The following GPD2 variants were observed in gnomAD, a reference collection of about 807,000 sequenced individuals.
GPD2 encodes glycerol-3-phosphate dehydrogenase, mitochondrial.
Under a neutral mutation model 82.4 loss-of-function variants are expected in GPD2, and 54 were observed. The observed-to-expected ratio is 0.66, with a 90% CI of 0.53 to 0.82. The LOEUF is 0.82. Ranked by LOEUF, GPD2 falls within the 40% of genes least tolerant of loss-of-function variation. GPD2 has a pLI of 0.00. For synonymous variants in GPD2, 288 were observed against 306.1 expected (o/e 0.94, Z 0.62); for missense variants, 748 against 896.2 (o/e 0.83, Z 2.11).
At chr2:156,546,301 G>A (rs78909276) in intron 6 of GPD2, among the ~76,000 whole-genome samples, 238 of 152,312 alleles carry the variant, frequency 1.6e-3, no homozygotes, top group African/African-American at 4.9e-3. Context: ...GATCAATTAG[G>A]TGGGGGTTTG....
At chr2:156,510,698 T>C in intron 3 of GPD2, 98 bp from the exon 4 acceptor site, 1 of 963,366 alleles carries the variant, frequency 1.0e-6, no homozygotes, top group Non-Finnish European at 1.7e-6. Context: ...TTCAGAGTAA[T>C]TTTTCTTGTG....
the GPD2 span, among the ~76,000 whole-genome samples, chr2:156,408,194 A>G: frequency 6.6e-6 from 1 of 152,046 alleles, no homozygotes; most frequent in East Asian, 1.9e-4. Flanking sequence ...GGCTCCAGTA[A>G]TCTGCCCACC....
At chr2:156,461,455 T>C (rs1349019892) in intron 1 of GPD2, among the ~76,000 whole-genome samples, 2 of 152,224 alleles carry the variant, frequency 1.3e-5, no homozygotes, top group African/African-American at 4.8e-5. Flanking sequence ...CGTGGCTCAC[T>C]GTAGGCTCCA....
chr2:156,475,953 C>CTCAAA, intron 1 of GPD2, 145 bp from the exon 2 acceptor site: 1 of 615,680 alleles, frequency 1.6e-6, no homozygotes, highest in Non-Finnish European at 2.9e-6. Context: ...GCAGTATACA[C>CTCAAA]ATTGGTTTGT....
chr2:156,421,364 A>G, the GPD2 span, among the ~76,000 whole-genome samples: 1 of 152,374 alleles, frequency 6.6e-6, no homozygotes, highest in East Asian at 1.9e-4. Flanking sequence ...TAAATTAAAA[A>G]CAATGACAAC....
the GPD2 span, among the ~76,000 whole-genome samples, chr2:156,422,265 TC>T: frequency 3.3e-5 from 5 of 152,296 alleles, no homozygotes; most frequent in East Asian, 9.6e-4. Flanking sequence ...TCTCCTCAAA[TC>T]TTGTCATGAT....
At chr2:156,440,332 T>C (rs2105136943) in intron 1 of GPD2, among the ~76,000 whole-genome samples, 1 of 152,352 alleles carries the variant, frequency 6.6e-6, no homozygotes, top group Non-Finnish European at 1.5e-5. Flanking sequence ...AATAGACTTC[T>C]TCCTGTACTA....
intron 1 of GPD2, among the ~76,000 whole-genome samples, chr2:156,452,536 A>G (rs1240558378): frequency 1.3e-5 from 2 of 152,206 alleles, no homozygotes; most frequent in African/African-American, 4.8e-5. Context: ...GACCATGGAA[A>G]GAGAGGGAGA....
intron 2 of GPD2, among the ~76,000 whole-genome samples, chr2:156,479,743 C>G (rs558089274): frequency 2.5e-4 from 38 of 152,280 alleles, no homozygotes; most frequent in African/African-American, 8.7e-4. Context: ...CATCCACATT[C>G]CAGGCCTTCC....
chr2:156,476,794 T>G, intron 2 of GPD2, among the ~76,000 whole-genome samples: 1 of 152,204 alleles, frequency 6.6e-6, no homozygotes, highest in East Asian at 1.9e-4. Flanking sequence ...CTTCCCATAG[T>G]TCAAACTGAT....
intron 12 of GPD2, 121 bp from the exon 13 acceptor site, chr2:156,571,013 G>T: frequency 1.3e-6 from 1 of 761,530 alleles, no homozygotes; most frequent in Non-Finnish European, 2.3e-6. Flanking sequence ...TGGAGGACCA[G>T]AGAGTATAAA....
At chr2:156,577,792 G>A (rs535061492) in intron 13 of GPD2, among the ~76,000 whole-genome samples, 7 of 152,256 alleles carry the variant, frequency 4.6e-5, no homozygotes, top group South Asian at 2.1e-4. Flanking sequence ...TGAAGGCTGC[G>A]TGTTAGCTGC....
intron 6 of GPD2, among the ~76,000 whole-genome samples, chr2:156,517,138 T>A (rs547816975): frequency 2.0e-5 from 3 of 152,238 alleles, no homozygotes; most frequent in South Asian, 2.1e-4. Context: ...TTTTATATAT[T>A]TTTTTTAATT....
At chr2:156,519,916 G>A (rs751215281) in intron 6 of GPD2, among the ~76,000 whole-genome samples, 29 of 152,218 alleles carry the variant, frequency 1.9e-4, no homozygotes, top group Non-Finnish European at 4.0e-4. Flanking sequence ...GCTCAGTGGA[G>A]AGTCAGGGTG....
chr2:156,557,079 A>T (rs986290407), intron 8 of GPD2, among the ~76,000 whole-genome samples: 3 of 152,204 alleles, frequency 2.0e-5, no homozygotes, highest in African/African-American at 7.2e-5. Flanking sequence ...TGGTCCAAGG[A>T]GTATGAAACT....
the GPD2 span, among the ~76,000 whole-genome samples, chr2:156,414,765 A>G: frequency 6.6e-6 from 1 of 152,214 alleles, no homozygotes; most frequent in Non-Finnish European, 1.5e-5. Context: ...TGGTTTTTCA[A>G]TGATTATTAT....
At chr2:156,491,117 C>T (rs1684159765) in intron 2 of GPD2, among the ~76,000 whole-genome samples, 1 of 152,180 alleles carries the variant, frequency 6.6e-6, no homozygotes, top group Non-Finnish European at 1.5e-5. Flanking sequence ...ACCCCCATTC[C>T]CAGACCCTGG....
At chr2:156,510,946 C>T in intron 4 of GPD2, 26 bp downstream of exon 4, 2 of 1,607,998 alleles carry the variant, frequency 1.2e-6, no homozygotes, top group South Asian at 2.2e-5. Context: ...GGTTGTTAAA[C>T]AAAAATTGCA....
intron 1 of GPD2, among the ~76,000 whole-genome samples, chr2:156,465,341 T>TTTTCTTTC (rs201925128): frequency 1.9e-4 from 22 of 113,974 alleles, no homozygotes; most frequent in Non-Finnish European, 3.1e-4. Flanking sequence ...TTTTCTTTTC[T>TTTTCTTTC]TTTCTTTCTT....
Sources: gnomAD v4.1 joint callset for allele counts (sites outside exome capture counted in the v4.1 genomes callset) on GRCh38, gnomAD v4.1.1 for gene constraint, MANE v1.5 for transcripts, NCBI Gene and HGNC (gene_info 2026-07-23, HGNC 2026-07-21) for gene names.